Variants in PAK4 observed in about 807,000 individuals in gnomAD.
The protein encoded by PAK4 is p21 (RAC1) activated kinase 4.
A neutral mutation model predicts 53.5 loss-of-function variants in PAK4; 49 were observed. The observed-to-expected ratio is 0.92, with a 90% CI of 0.73 to 1.16. PAK4 has a LOEUF of 1.16. PAK4 is among the 50% of genes most tolerant of loss of function. The probability of loss-of-function intolerance (pLI) is 0.00; values close to 1 mark genes in which losing one functional copy is unlikely to be tolerated. For missense variants in PAK4, 824 were observed against 850.7 expected, an observed-to-expected ratio of 0.97 and a Z score of 0.39; for synonymous variants, 376 against 375.6, an observed-to-expected ratio of 1.00 and a Z score of -0.01.
rs75346698 is a variant in PAK4, at chr19:39,153,347, C to G, written c.-22-16185C>G. ...AATCTCAGCTTACTGCAACCTCCAC[C>G]TTCTGGGTTCAAGCAATTCTCGTAC... On this transcript the variant is annotated intron_variant, in intron 1 of 8. Coordinates refer to ENST00000358301, the Ensembl canonical transcript of PAK4. Among the ~76,000 whole-genome samples, 441 of 152,250 alleles carry G rather than the reference C, an allele frequency of 2.9e-3. 3 individuals are homozygous for G. Among genetic ancestry groups the G allele is most frequent in the East Asian group, 0.014 (71 of 5,160 alleles).
At position 39,178,507 on chromosome 19, in the gene PAK4, G is replaced by A; in HGVS notation, c.1704G>A (p.Lys568=). 1 of 1,612,324 alleles carries A rather than the reference G, an allele frequency of 6.2e-7. No homozygotes were observed. Among genetic ancestry groups the A allele is most frequent in the Non-Finnish European group, 8.5e-7 (1 of 1,179,718 alleles). The change falls in exon 9 of 9, where the codon AAG becomes AAA. Residue 568 remains lysine (K), a synonymous_variant. Coordinates refer to ENST00000358301, the Ensembl canonical transcript of PAK4. The surrounding 1 kb of genome is among the most constrained non-coding windows in gnomAD (Gnocchi z 4.4). The stretch of plus-strand genomic sequence containing the variant: ...GGGCCACGGCAGCCGAGCTGCTGAA[G>A]CACCCATTCCTGGCCAAGGCAGGGC...
intron 1 of PAK4, chr19:39,152,306 T>C (rs1407780121): frequency 1.3e-5 from 2 of 152,172 alleles, no homozygotes; most frequent in Non-Finnish European, 2.9e-5. Context: ...CACATATCCA[T>C]GGTGTATGTG....
chr19:39,167,639 T>C (rs2074399797), intron 1 of PAK4, among the ~76,000 whole-genome samples: 1 of 152,138 alleles, frequency 6.6e-6, no homozygotes, highest in African/African-American at 2.4e-5. Context: ...GACCACCCGC[T>C]GGCCTCTTGG....
At chr19:39,131,156 C>G (rs1034293502) in intron 1 of PAK4, among the ~76,000 whole-genome samples, 2 of 152,212 alleles carry the variant, frequency 1.3e-5, no homozygotes, top group East Asian at 1.9e-4. Flanking sequence ...GGATTGAACC[C>G]CAGGCCTTGG....
intron 1 of PAK4, among the ~76,000 whole-genome samples, chr19:39,154,691 C>T (rs903675408): frequency 2.0e-5 from 3 of 152,158 alleles, no homozygotes. Context: ...TGTGGCTGTC[C>T]AGAGCTGTCC....
intron 2 of PAK4, among the ~76,000 whole-genome samples, chr19:39,170,952 C>T (rs2074467116): frequency 6.6e-6 from 1 of 152,220 alleles, no homozygotes; most frequent in Non-Finnish European, 1.5e-5. Context: ...CCCGACCCAC[C>T]TCAGCTCCAC....
chr19:39,135,458 C>G (rs77094815), intron 1 of PAK4, among the ~76,000 whole-genome samples: 35,677 of 150,962 alleles, frequency 0.24, 4,504 homozygotes, highest in East Asian at 0.4. Context: ...CCCTCACCCC[C>G]TCAAGTAGCT....
chr19:39,152,998 C>T (rs541218633), intron 1 of PAK4, among the ~76,000 whole-genome samples: 10 of 152,104 alleles, frequency 6.6e-5, no homozygotes, highest in East Asian at 5.8e-4. Context: ...GTACCTCCTG[C>T]GGGGGTTCTG....
At chr19:39,177,234 G>A (rs777883252) in intron 7 of PAK4, among the ~76,000 whole-genome samples, 5 of 152,298 alleles carry the variant, frequency 3.3e-5, no homozygotes, top group East Asian at 1.9e-4. Context: ...AGCTGGTCCC[G>A]GCAGCTCTGG....
At chr19:39,133,786 G>A (rs1355770727) in intron 1 of PAK4, among the ~76,000 whole-genome samples, 2 of 152,188 alleles carry the variant, frequency 1.3e-5, no homozygotes, top group African/African-American at 2.4e-5. Flanking sequence ...ATTGTGCAGC[G>A]GTTTTGAGTT....
rs115434406 is a variant in PAK4, at chr19:39,155,278, T to C, written c.-22-14254T>C. 3.2e-3 allele frequency among the ~76,000 whole-genome samples: 482 copies of C among 152,240 alleles called. 4 individuals carry two copies. The highest frequency in any genetic ancestry group is 0.011 in the African/African-American group (456 of 41,552). On this transcript the variant is annotated intron_variant, in intron 1 of 8. Coordinates refer to ENST00000358301, the Ensembl canonical transcript of PAK4. ...TTGTGGAGTTTGTTCAGTGCTGAAC[T>C]ATCAGGGCCTCCCACAGGTGTGCCT... is the stretch of plus-strand genomic sequence containing the variant.
chr19:39,126,459 GGGCC>G (rs1568491774), intron 1 of PAK4, among the ~76,000 whole-genome samples: 1 of 115,472 alleles, frequency 8.7e-6, no homozygotes, highest in East Asian at 3.1e-4. Flanking sequence ...GGGGGGGGGG[GGGCC>G]GGGTCAGAGA....
chr19:39,138,909 C>T (rs1462344725), intron 1 of PAK4, among the ~76,000 whole-genome samples: 3 of 152,164 alleles, frequency 2.0e-5, no homozygotes, highest in Non-Finnish European at 4.4e-5. Context: ...CTCTGGGGGG[C>T]TGGCAGGATA....
At chr19:39,145,601 A>G (rs1233960586) in intron 1 of PAK4, among the ~76,000 whole-genome samples, 3 of 152,070 alleles carry the variant, frequency 2.0e-5, no homozygotes, top group Admixed American at 1.3e-4. Flanking sequence ...TTGGCTTCCT[A>G]GGGCACCACA....
In PAK4 at chr19:39,173,247, C is replaced by T. The variant is rs757977130; in HGVS notation, c.534C>T (p.Arg178=). The change falls in exon 3 of 9, where the codon CGC becomes CGT. Residue 178 remains arginine (R), a synonymous_variant. Transcript: ENST00000358301. The surrounding 1 kb of genome is among the most constrained non-coding windows in gnomAD (Gnocchi z 6.9). ...CCCAGGAGTCCTCCCGGGACAAACG[C>T]CCCCTCTCCGGGCCTGATGTCGGCA... 2.5e-6 allele frequency: 4 copies of T among 1,585,956 alleles called. No individual in the cohort carries two copies. The highest frequency in any genetic ancestry group is 2.3e-5 in the South Asian group (2 of 87,104).
chr19:39,151,361 C>A (rs558612441), intron 1 of PAK4, among the ~76,000 whole-genome samples: 11 of 152,228 alleles, frequency 7.2e-5, no homozygotes, highest in Admixed American at 2.6e-4. Flanking sequence ...AGACTGGCCA[C>A]GCCCCGTGCT....
chr19:39,138,545 T>G (rs538682746), intron 1 of PAK4, among the ~76,000 whole-genome samples: 78 of 152,148 alleles, frequency 5.1e-4, no homozygotes, highest in African/African-American at 1.9e-3. Context: ...TCTTGTGGGG[T>G]TTTTCCCAGG....
chr19:39,177,475 T>C (rs943233271), intron 7 of PAK4, among the ~76,000 whole-genome samples, 200 bp from the exon 9 acceptor site: 3 of 145,526 alleles, frequency 2.1e-5, no homozygotes, highest in Non-Finnish European at 4.5e-5. Context: ...GGGTGGGTGC[T>C]GGGGGGGCAG....
At position 39,178,960 on chromosome 19, in the gene PAK4, A is replaced by ATG. The variant is rs3833875; in HGVS notation, c.*392_*393dup. Reference sequence around the variant, plus strand: ...AGTGTGTGCACGCGTGTGAGTGTGCATGTGTGTGTGTGCAAAGGTCCAGCC... The same window carrying ATG: ...AGTGTGTGCACGCGTGTGAGTGTGCATGTGTGTGTGTGTGCAAAGGTCCAGCC... On this transcript the variant is annotated 3_prime_UTR_variant, in exon 9 of 9. Coordinates refer to ENST00000358301, the Ensembl canonical transcript of PAK4. This position sits in a 1 kb window ranked among gnomAD's most constrained non-coding sequence, Gnocchi z 4.4. 60,640 of 162,736 alleles carry ATG rather than the reference A, an allele frequency of 0.37. 11,959 individuals are homozygous for ATG. The highest frequency in any genetic ancestry group is 0.46 in the African/African-American group (19,220 of 41,574). The allele number at this position is 162,736 out of a possible 1,614,324, so 10.1% of individuals were successfully genotyped here. A position where few individuals can be genotyped will look rare whatever the true frequency, so the allele number is the denominator to read the frequency against.
Sources: gnomAD v4.1 joint callset for allele counts (sites outside exome capture counted in the v4.1 genomes callset) on GRCh38, gnomAD v4.1.1 for gene constraint, Gnocchi (gnomAD v3.1) non-coding constraint, MANE v1.5 for transcripts, NCBI Gene and HGNC (gene_info 2026-07-23, HGNC 2026-07-21) for gene names.